The following SGMS1 variants were observed in gnomAD, a reference collection of about 807,000 sequenced individuals.
SGMS1 encodes the protein sphingomyelin synthase 1.
Under a neutral mutation model 46.2 loss-of-function variants are expected in SGMS1, and 13 were observed. The observed-to-expected ratio is 0.28, with a 90% CI of 0.18 to 0.45. The LOEUF is 0.45. Ranked by LOEUF, SGMS1 falls within the 20% of genes least tolerant of loss-of-function variation. The pLI is 1.00. For missense variants in SGMS1, 324 were observed against 519.9 expected, an observed-to-expected ratio of 0.62 and a Z score of 3.66; for synonymous variants, 203 against 187.8, an observed-to-expected ratio of 1.08 and a Z score of -0.66.
At chr10:50,491,637 C>A (rs997890478) in intron 3 of SGMS1, among the ~76,000 whole-genome samples, 6 of 152,182 alleles carry the variant, frequency 3.9e-5, no homozygotes, top group African/African-American at 1.4e-4. Flanking sequence ...AATCCCTGAA[C>A]AGACCAATAA....
intron 6 of SGMS1, among the ~76,000 whole-genome samples, chr10:50,391,821 T>C (rs1254564617): frequency 7.1e-6 from 1 of 141,690 alleles, no homozygotes; most frequent in Admixed American, 7.4e-5. Context: ...ATATATGCCA[T>C]GGAACATTAT....
intron 6 of SGMS1, among the ~76,000 whole-genome samples, chr10:50,355,146 A>G (rs1326821232): frequency 6.6e-6 from 1 of 152,264 alleles, no homozygotes; most frequent in East Asian, 1.9e-4. Context: ...ATGCACATGT[A>G]TGTTTACTGT....
intron 3 of SGMS1, among the ~76,000 whole-genome samples, chr10:50,488,805 T>C (rs2133735095): frequency 6.6e-6 from 1 of 152,342 alleles, no homozygotes; most frequent in South Asian, 2.1e-4. Flanking sequence ...TCTCAATTTG[T>C]ACCAGGATAA....
chr10:50,428,986 A>G (rs1849365538), intron 6 of SGMS1, among the ~76,000 whole-genome samples: 1 of 152,216 alleles, frequency 6.6e-6, no homozygotes, highest in Non-Finnish European at 1.5e-5. Context: ...CAAAAAACCT[A>G]TTTATTCAAG....
intron 6 of SGMS1, among the ~76,000 whole-genome samples, chr10:50,354,134 T>A (rs544567732): frequency 1.3e-4 from 16 of 126,034 alleles, no homozygotes; most frequent in African/African-American, 2.9e-4. Flanking sequence ...CATTGCGAAG[T>A]CAATCCTAAG....
At position 50,513,092 on chromosome 10, in the gene SGMS1, TG is replaced by T. The variant is rs371512164; in HGVS notation, c.-498+6738del. 9.8e-5 allele frequency among the ~76,000 whole-genome samples: 15 copies of T among 152,322 alleles called. 1 individual carries two copies. The highest frequency in any genetic ancestry group is 3.4e-4 in the African/African-American group (14 of 41,580). On this transcript the variant is annotated intron_variant, in intron 3 of 10. Coordinates refer to ENST00000361781, the MANE Select transcript of SGMS1 (RefSeq NM_147156.4). ...TTACAATGCTATTTTCCAAAAACAC[TG>T]AGCTTCTTGGATGCAAGGTGTTAAG...
intron 6 of SGMS1, among the ~76,000 whole-genome samples, chr10:50,360,455 T>C (rs1848228213): frequency 6.6e-6 from 1 of 152,222 alleles, no homozygotes. Context: ...ATATAATAGC[T>C]CTACTGATAA....
chr10:50,523,517 G>A (rs1837873830), intron 2 of SGMS1, among the ~76,000 whole-genome samples: 1 of 152,106 alleles, frequency 6.6e-6, no homozygotes, highest in Non-Finnish European at 1.5e-5. Flanking sequence ...ACCCTAACAT[G>A]CATTTACATT....
chr10:50,361,843 C>T (rs1233314063), intron 6 of SGMS1, among the ~76,000 whole-genome samples: 1 of 152,214 alleles, frequency 6.6e-6, no homozygotes, highest in African/African-American at 2.4e-5. Context: ...GACTTAGCTC[C>T]AAGGCCTTCC....
chr10:50,416,141 A>G (rs1849166237), intron 6 of SGMS1, among the ~76,000 whole-genome samples: 1 of 152,182 alleles, frequency 6.6e-6, no homozygotes, highest in African/African-American at 2.4e-5. Context: ...GGCACTTTTA[A>G]ATCACTTAAA....
chr10:50,481,564 A>T (rs941347917), intron 3 of SGMS1, among the ~76,000 whole-genome samples: 1 of 152,210 alleles, frequency 6.6e-6, no homozygotes, highest in Non-Finnish European at 1.5e-5. Flanking sequence ...AGGTAGATAG[A>T]GAAAGAATCA....
intron 9 of SGMS1, among the ~76,000 whole-genome samples, chr10:50,309,571 A>G (rs906718456): frequency 6.6e-6 from 1 of 152,184 alleles, no homozygotes; most frequent in Non-Finnish European, 1.5e-5. Context: ...GGGTGCTGAC[A>G]TCTGGCCTAT....
chr10:50,356,034 C>T lies in SGMS1; in HGVS notation c.-231-11689G>A, dbSNP rs189836484. Among the ~76,000 whole-genome samples the T allele has an allele frequency of 9.3e-3, 1,413 of 152,152 alleles. 23 individuals carry two copies. The highest frequency in any genetic ancestry group is 0.031 in the African/African-American group (1,289 of 41,502). On this transcript the variant is annotated intron_variant, in intron 6 of 10. Coordinates refer to ENST00000361781, the MANE Select transcript of SGMS1 (RefSeq NM_147156.4). Reference sequence around the variant, plus strand: ...TCTGGGAAGTGAGGAGCCCCTCCGCCCGGCAGCCACCCCGTCTGGGAGGTG... The same window carrying T: ...TCTGGGAAGTGAGGAGCCCCTCCGCTCGGCAGCCACCCCGTCTGGGAGGTG...
chr10:50,510,759 G>A (rs903124976), intron 3 of SGMS1, among the ~76,000 whole-genome samples: 1 of 151,898 alleles, frequency 6.6e-6, no homozygotes, highest in African/African-American at 2.4e-5. Context: ...TTGACACTGG[G>A]TACAATACTA....
chr10:50,442,558 T>C (rs1293959902), intron 5 of SGMS1, among the ~76,000 whole-genome samples: 1 of 152,204 alleles, frequency 6.6e-6, no homozygotes, highest in Non-Finnish European at 1.5e-5. Flanking sequence ...ATGGTATGTA[T>C]GTACCACATT....
At chr10:50,453,201 G>A (rs1420289783) in intron 5 of SGMS1, among the ~76,000 whole-genome samples, 4 of 151,890 alleles carry the variant, frequency 2.6e-5, no homozygotes, top group African/African-American at 9.7e-5. Flanking sequence ...CATAAAATAA[G>A]TATATTTAAT....
intron 6 of SGMS1, among the ~76,000 whole-genome samples, chr10:50,364,361 T>C (rs1284513378): frequency 6.6e-6 from 1 of 152,230 alleles, no homozygotes; most frequent in East Asian, 1.9e-4. Flanking sequence ...CTTTCTGTTA[T>C]TACCATTCCA....
chr10:50,623,280 C>A (rs1838873668), intron 1 of SGMS1, among the ~76,000 whole-genome samples: 1 of 152,158 alleles, frequency 6.6e-6, no homozygotes. Flanking sequence ...TGATTGGAGT[C>A]GGCCCCTGGG....
At chr10:50,329,380 A>T (rs1847580254) in intron 7 of SGMS1, among the ~76,000 whole-genome samples, 1 of 152,228 alleles carries the variant, frequency 6.6e-6, no homozygotes, top group East Asian at 1.9e-4. Flanking sequence ...TGAAAACTGA[A>T]ATTTGACCAT....
Sources: gnomAD v4.1 joint callset for allele counts (sites outside exome capture counted in the v4.1 genomes callset) on GRCh38, gnomAD v4.1.1 for gene constraint, MANE v1.5 for transcripts, NCBI Gene and HGNC (gene_info 2026-07-23, HGNC 2026-07-21) for gene names.